The following SCN1A variants were observed in gnomAD, a reference collection of about 807,000 sequenced individuals.
The protein encoded by SCN1A is sodium channel protein type 1 subunit alpha.
Under a neutral mutation model 193.7 loss-of-function variants are expected in SCN1A, and 13 were observed. The observed-to-expected ratio is 0.07, with a 90% confidence interval of 0.04 to 0.11. SCN1A has a LOEUF of 0.11. Among genes scored for constraint, SCN1A ranks in the 10% least tolerant of loss-of-function variants. The probability of loss-of-function intolerance (pLI) is 1.00; values close to 1 mark genes in which losing one functional copy is unlikely to be tolerated. For missense variants in SCN1A, 1,432 were observed against 2,451.1 expected (o/e 0.58, Z 8.78); for synonymous variants, 781 against 843.6 (o/e 0.93, Z 1.29).
In SCN1A at chr2:166,045,049, T is replaced by G. The variant is rs1173493682; in HGVS notation, c.1656A>C (p.Pro552=). 1 of 1,614,022 alleles carries G rather than the reference T, an allele frequency of 6.2e-7. No homozygotes were observed. Among genetic ancestry groups the G allele is most frequent in the African/African-American group, 1.3e-5 (1 of 74,922 alleles). The change falls in exon 13 of 29, where the codon CCA becomes CCC. Residue 552 remains proline (P), a synonymous_variant. Transcript: ENST00000674923. ...RLTYEKRYSS[P]HQSLLSIRGS... ...AAACTCAGCAGTGCCATACCTGGTGTGGGGAGGAGTACCTCTTTTCATATG... is the reference window on the plus strand; with the variant it reads ...AAACTCAGCAGTGCCATACCTGGTGGGGGGAGGAGTACCTCTTTTCATATG...
Position 166,100,140 on chromosome 2 carries a change from G to A in SCN1A, c.-141-22339C>T, listed in dbSNP as rs200958882. Reference sequence around the variant, plus strand: ...CTACAAGGCTACAGTAACCCAAACAGCATGGTACTGGTACCAAAACAGAGA... The same window carrying A: ...CTACAAGGCTACAGTAACCCAAACAACATGGTACTGGTACCAAAACAGAGA... On this transcript the variant is annotated intron_variant, in intron 2 of 28. Coordinates refer to ENST00000674923, the MANE Select transcript of SCN1A (RefSeq NM_001165963.4). 6.4e-3 allele frequency among the ~76,000 whole-genome samples: 883 copies of A among 138,916 alleles called. 77 individuals carry two copies. The East Asian group carries it at 0.17, about 26-fold the overall frequency. The allele number at this position is 138,916 out of a possible 152,430, so 91.1% of individuals were successfully genotyped here.
rs944907698 is a variant in SCN1A, at chr2:165,985,819, G to T, written c.*5426C>A. On this transcript the variant is annotated 3_prime_UTR_variant, in exon 29 of 29. Coordinates refer to ENST00000674923, the MANE Select transcript of SCN1A (RefSeq NM_001165963.4). ...TACTATCAGCAGTACCCAATTCATG[G>T]TGGTTTAGAAACACATTTATTTTCT... The T allele has an allele frequency of 1.3e-5, 2 of 152,120 alleles. No homozygotes were observed. Among genetic ancestry groups the T allele is most frequent in the Admixed American group, 1.3e-4 (2 of 15,274 alleles). The allele number at this position is 152,120 out of a possible 1,614,324, so 9.4% of individuals were successfully genotyped here.
intron 20 of SCN1A, 60 bp downstream of exon 20, chr2:166,015,547 C>T: frequency 6.3e-7 from 1 of 1,592,328 alleles, no homozygotes; most frequent in East Asian, 2.2e-5. Flanking sequence ...TTTTAGCTGA[C>T]CAACAGCTAA....
intron 1 of SCN1A, among the ~76,000 whole-genome samples, chr2:166,144,357 C>T (rs894240416): frequency 6.6e-6 from 1 of 152,112 alleles, no homozygotes; most frequent in African/African-American, 2.4e-5. Context: ...TGGTAAAGCT[C>T]AAGTATAGGG....
At chr2:166,137,392 A>G (rs1324437018) in intron 1 of SCN1A, among the ~76,000 whole-genome samples, 1 of 152,180 alleles carries the variant, frequency 6.6e-6, no homozygotes, top group East Asian at 1.9e-4. Flanking sequence ...CTCATCTTGA[A>G]TTGTAACTCC....
intron 3 of SCN1A, among the ~76,000 whole-genome samples, chr2:166,075,833 T>C (rs769954896): frequency 3.9e-5 from 6 of 152,030 alleles, no homozygotes; most frequent in Non-Finnish European, 7.4e-5. Context: ...TAATATGTTA[T>C]CATATTTTTG....
Position 166,043,939 on chromosome 2 carries a change from T to A in SCN1A, c.1773A>T (p.Ala591=). The stretch of plus-strand genomic sequence containing the variant: ...CCTCAAAGGTGCTGTGCTCATCATC[T>A]GCGAAGTCGTTCTCAGATCCCACAT... ...AKDVGSENDF[A]DDEHSTFEDN... Residue 591 remains alanine, a synonymous_variant, in exon 14 of 29, where the codon GCA becomes GCT. Transcript: ENST00000674923. The A allele has an allele frequency of 1.9e-6, 3 of 1,614,204 alleles. No homozygotes were observed. The highest frequency in any genetic ancestry group is 2.5e-6 in the Non-Finnish European group (3 of 1,180,030).
At chr2:166,000,110 C>T (rs1268228259) in intron 24 of SCN1A, 1 of 335,990 alleles carries the variant, frequency 3.0e-6, no homozygotes, top group African/African-American at 2.1e-5. Context: ...AATGCCAACA[C>T]ATGGGTCAAT....
chr2:166,073,345 A>T lies in SCN1A; in HGVS notation c.264+13T>A, dbSNP rs1684655229. 6.2e-7 allele frequency: 1 copy of T among 1,613,144 alleles called. No individual in the cohort carries two copies. Among genetic ancestry groups the T allele is most frequent in the South Asian group, 1.1e-5 (1 of 91,020 alleles). On this transcript the variant is annotated intron_variant, in intron 4 of 28. Coordinates refer to ENST00000674923, the MANE Select transcript of SCN1A (RefSeq NM_001165963.4). ...CAATTAGCAGCAAAATATGCCTGATAAAAAACACTCACTTTCTTATTGATA... is the reference window on the plus strand; with the variant it reads ...CAATTAGCAGCAAAATATGCCTGATTAAAAACACTCACTTTCTTATTGATA...
Position 165,992,368 on chromosome 2 carries a change from C to A in SCN1A, c.4907G>T (p.Arg1636Leu). 6.2e-7 allele frequency: 1 copy of A among 1,613,602 alleles called. No individual in the cohort carries two copies. Among genetic ancestry groups the A allele is most frequent in the East Asian group, 2.2e-5 (1 of 44,818 alleles). ...EKYFVSPTLF[R>L]VIRLARIGRI... ...GCCAATCCTAGCAAGACGGATCACT[C>A]GGAACAGGGTAGGGGACACGAAATA... Residue 1636 changes from arginine (R) to leucine (L), a missense_variant, in exon 29 of 29, where the codon CGA becomes CTA. Coordinates refer to ENST00000674923, the MANE Select transcript of SCN1A (RefSeq NM_001165963.4). The surrounding 1 kb of genome is among the most constrained non-coding windows in gnomAD (Gnocchi z 6.5).
At chr2:166,039,902 C>T (rs1574195082) in intron 16 of SCN1A, among the ~76,000 whole-genome samples, 2 of 139,356 alleles carry the variant, frequency 1.4e-5, no homozygotes, top group African/African-American at 5.2e-5. Context: ...GATTTGAGTA[C>T]AAGTCATCTT....
At position 166,002,577 on chromosome 2, in the gene SCN1A, A is replaced by G. The variant is rs772400574; in HGVS notation, c.4179T>C (p.His1393=). The part of the protein sequence containing the change: ...DRFDIEDVNN[H]TDCLKLIERN... The stretch of plus-strand genomic sequence containing the variant: ...TTTCTATTAGTTTTAGGCAATCAGT[A>G]TGATTATTCACGTCTTCGATGTCAA... Residue 1393 remains histidine, a synonymous_variant, in exon 24 of 29, where the codon CAT becomes CAC. Transcript: ENST00000674923. The G allele has an allele frequency of 1.2e-6, 2 of 1,612,000 alleles. No individual in the cohort carries two copies. The highest frequency in any genetic ancestry group is 4.5e-5 in the East Asian group (2 of 44,788).
intron 1 of SCN1A, among the ~76,000 whole-genome samples, chr2:166,135,988 A>G (rs1484253128): frequency 6.6e-6 from 1 of 152,256 alleles, no homozygotes; most frequent in Non-Finnish European, 1.5e-5. Context: ...CTGCAGTGGC[A>G]TGAAAGGCAA....
chr2:165,997,938 TC>T (rs35894071), intron 26 of SCN1A, 99 bp downstream of exon 26: 2 of 879,264 alleles, frequency 2.3e-6, no homozygotes, highest in Non-Finnish European at 3.8e-6. Flanking sequence ...TAATATATAC[TC>T]CCATTTTGTT....
At chr2:166,024,526 C>G (rs1694486484) in intron 19 of SCN1A, among the ~76,000 whole-genome samples, 1 of 152,036 alleles carries the variant, frequency 6.6e-6, no homozygotes, top group East Asian at 1.9e-4. Flanking sequence ...TTTGTTTCTT[C>G]TTTTTTATTG....
chr2:166,068,506 G>A (rs922061524), intron 4 of SCN1A, among the ~76,000 whole-genome samples: 1 of 152,146 alleles, frequency 6.6e-6, no homozygotes, highest in Non-Finnish European at 1.5e-5. Context: ...GCTACACACT[G>A]GGGACTGCCC....
chr2:166,118,862 A>G (rs974674667), intron 2 of SCN1A, among the ~76,000 whole-genome samples: 2 of 152,224 alleles, frequency 1.3e-5, no homozygotes, highest in Non-Finnish European at 1.5e-5. Context: ...TTAATCTTAA[A>G]ATTATGAATA....
intron 2 of SCN1A, among the ~76,000 whole-genome samples, chr2:166,097,372 G>A (rs1477557777): frequency 1.3e-5 from 2 of 152,038 alleles, no homozygotes; most frequent in Non-Finnish European, 2.9e-5. Context: ...CCTAGAAGGG[G>A]AAACCTATTA....
At chr2:166,122,673 C>A (rs1386010600) in intron 2 of SCN1A, among the ~76,000 whole-genome samples, 2 of 151,888 alleles carry the variant, frequency 1.3e-5, no homozygotes, top group Non-Finnish European at 2.9e-5. Flanking sequence ...TAGATATGAA[C>A]AAACAAAAGA....
Sources: allele counts gnomAD v4.1 joint callset (sites outside exome capture counted in the v4.1 genomes callset), GRCh38; gene constraint gnomAD v4.1.1; non-coding constraint Gnocchi (gnomAD v3.1); transcripts MANE v1.5; gene names NCBI Gene and HGNC (gene_info 2026-07-23, HGNC 2026-07-21).